The following CACNA1G variants were observed in gnomAD, a reference collection of about 807,000 sequenced individuals.
CACNA1G encodes calcium voltage-gated channel subunit alpha1 G.
CACNA1G carries 67 observed loss-of-function variants against 219.4 expected under a neutral mutation model. The ratio of observed to expected loss-of-function variants is 0.31; its 90% CI spans 0.25 to 0.37. The LOEUF (loss-of-function observed/expected upper bound fraction) is 0.37, where lower values mean the gene tolerates loss of function less well. Ranked by LOEUF, CACNA1G falls within the 10% of genes least tolerant of loss-of-function variation. CACNA1G has a pLI of 1.00. For missense variants in CACNA1G, 2,380 were observed against 3,231.4 expected, an observed-to-expected ratio of 0.74 and a Z score of 6.39; for synonymous variants, 1,296 against 1,345.3, an observed-to-expected ratio of 0.96 and a Z score of 0.80.
At chr17:50,581,454 C>T (rs2041947296) in intron 9 of CACNA1G, among the ~76,000 whole-genome samples, 2 of 151,992 alleles carry the variant, frequency 1.3e-5, no homozygotes, top group Non-Finnish European at 2.9e-5. Context: ...GAGTCCCTGC[C>T]CTCCCTCCTG....
intron 23 of CACNA1G, among the ~76,000 whole-genome samples, chr17:50,606,692 G>A (rs557376272): frequency 2.0e-5 from 3 of 152,290 alleles, no homozygotes; most frequent in Admixed American, 6.5e-5. Context: ...CAGAGGGTGT[G>A]ACCATCTCTC....
rs2052885530 is a variant in CACNA1G at position 50,623,804 on chromosome 17, G to A, written c.6061-103G>A. On this transcript the variant is annotated intron_variant, in intron 35 of 37. Transcript: ENST00000359106. ...TGTCCTGGGAGGGCACGGGGGTGAG[G>A]GCTGGGCGGGGGGCGCTGCTGCTTT... 2.2e-5 allele frequency: 28 copies of A among 1,259,786 alleles called. No individual in the cohort carries two copies. The South Asian group carries it at 3.0e-4, about 14-fold the overall frequency. 78.0% of individuals were successfully genotyped at this position (1,259,786 alleles called of 1,614,324 possible). A position where few individuals can be genotyped will look rare whatever the true frequency, so the allele number is the denominator to read the frequency against.
At chr17:50,623,766 C>A in intron 35 of CACNA1G, 141 bp from the exon 36 acceptor site, 1 of 791,716 alleles carries the variant, frequency 1.3e-6, no homozygotes, top group Non-Finnish European at 2.0e-6. Flanking sequence ...CATGCTCATG[C>A]CCATCTCTAC....
intron 9 of CACNA1G, among the ~76,000 whole-genome samples, chr17:50,585,294 T>C (rs553389835): frequency 1.3e-5 from 2 of 152,262 alleles, no homozygotes; most frequent in East Asian, 3.9e-4. Context: ...TACGGGCACC[T>C]GCCACCATGC....
Position 50,613,161 on chromosome 17 carries a change from G to A in CACNA1G, c.4760-2200G>A, listed in dbSNP as rs550698703. 7.9e-5 allele frequency among the ~76,000 whole-genome samples: 12 copies of A among 152,324 alleles called. No homozygotes were observed. In the East Asian group the frequency reaches 1.9e-3, roughly 24 times the overall value. Reference sequence around the variant, plus strand: ...CGGGCTGGAAGTTCGGGTCCAGCTCGGTCATGCCTCGTAGCTAGCTGAATG... The same window carrying A: ...CGGGCTGGAAGTTCGGGTCCAGCTCAGTCATGCCTCGTAGCTAGCTGAATG... On this transcript the variant is annotated intron_variant, in intron 26 of 37. Coordinates refer to ENST00000359106, the MANE Select transcript of CACNA1G (RefSeq NM_018896.5).
chr17:50,571,099 G>C lies in CACNA1G; in HGVS notation c.587-779G>C, dbSNP rs554577660. On this transcript the variant is annotated intron_variant, in intron 4 of 37. Transcript: ENST00000359106. This position sits in a 1 kb window ranked among gnomAD's most constrained non-coding sequence, Gnocchi z 4.3. Reference sequence around the variant, plus strand: ...GGGAAGTAACCCTAACAGGGCTTTTGAGGAGGGGGTTTCAGTGGCTTTCCC... The same window carrying C: ...GGGAAGTAACCCTAACAGGGCTTTTCAGGAGGGGGTTTCAGTGGCTTTCCC... Among the ~76,000 whole-genome samples the C allele has an allele frequency of 6.6e-6, 1 of 152,334 alleles. No individual in the cohort carries two copies. Among genetic ancestry groups the C allele is most frequent in the East Asian group, 1.9e-4 (1 of 5,186 alleles).
Position 50,596,923 on chromosome 17 carries a change from G to C in CACNA1G, c.3258G>C (p.Pro1086=). The C allele has an allele frequency of 6.5e-7, 1 of 1,549,264 alleles. No individual in the cohort carries two copies. The highest frequency in any genetic ancestry group is 8.7e-7 in the Non-Finnish European group (1 of 1,147,188). ...GGGCGGCCCACGAGATGAAGTCACC[G>C]GTAGGGGGTGCATGTGGGTACCCTG... ...EPGAAHEMKS[P]PSARSSPHSP... is the part of the protein sequence containing the mutation. The change falls in exon 16 of 38, where the codon CCG becomes CCC. Residue 1086 remains proline, a splice_region_variant and synonymous_variant. Transcript: ENST00000359106. This position sits in a 1 kb window ranked among gnomAD's most constrained non-coding sequence, Gnocchi z 4.8.
At chr17:50,611,268 A>G (rs1327992241) in intron 26 of CACNA1G, among the ~76,000 whole-genome samples, 1 of 151,364 alleles carries the variant, frequency 6.6e-6, no homozygotes, top group African/African-American at 2.4e-5. Flanking sequence ...AAAAAAAAAA[A>G]AAAGAGAGAG....
intron 26 of CACNA1G, among the ~76,000 whole-genome samples, 172 bp downstream of exon 26, chr17:50,610,107 T>C (rs957486888): frequency 9.2e-5 from 14 of 152,204 alleles, no homozygotes; most frequent in Non-Finnish European, 1.8e-4. Context: ...TGCGCCAAAC[T>C]GGACGGGAGG....
At chr17:50,601,250 C>T (rs1478283271) in intron 19 of CACNA1G, 76 bp downstream of exon 19, 7 of 1,557,422 alleles carry the variant, frequency 4.5e-6, no homozygotes, top group Admixed American at 1.7e-5. Context: ...GGCAAGGAGG[C>T]CACAGTTGCT....
At chr17:50,613,586 C>T (rs575837114) in intron 26 of CACNA1G, among the ~76,000 whole-genome samples, 1 of 152,340 alleles carries the variant, frequency 6.6e-6, no homozygotes, top group South Asian at 2.1e-4. Context: ...ACTCTCCCAG[C>T]CTCTCCTCTA....
intron 12 of CACNA1G, 24 bp downstream of exon 12, chr17:50,591,877 G>T: frequency 6.2e-7 from 1 of 1,613,286 alleles, no homozygotes; most frequent in South Asian, 1.1e-5. Context: ...AGGGCAGGGC[G>T]TGGACAGGGG....
chr17:50,618,513 G>A lies in CACNA1G; in HGVS notation c.5428-142G>A, dbSNP rs1365063723. 2 of 1,058,944 alleles carry A rather than the reference G, an allele frequency of 1.9e-6. No homozygotes were observed. Among genetic ancestry groups the A allele is most frequent in the African/African-American group, 3.1e-5 (2 of 64,138 alleles). The allele number at this position is 1,058,944 out of a possible 1,614,324, so 65.6% of individuals were successfully genotyped here. A position where few individuals can be genotyped will look rare whatever the true frequency, so the allele number is the denominator to read the frequency against. On this transcript the variant is annotated intron_variant, in intron 32 of 37. Coordinates refer to ENST00000359106, the MANE Select transcript of CACNA1G (RefSeq NM_018896.5). This position sits in a 1 kb window ranked among gnomAD's most constrained non-coding sequence, Gnocchi z 5.3. ...GAACATGCTCTGACTCACACTTGTAGTGCTCCTCTGCCCCCAAACACTCCC... is the reference window on the plus strand; with the variant it reads ...GAACATGCTCTGACTCACACTTGTAATGCTCCTCTGCCCCCAAACACTCCC...
In CACNA1G at chr17:50,626,162, G is replaced by A. The variant is rs1233837845; in HGVS notation, c.6545G>A (p.Arg2182His). Reference sequence around the variant, plus strand: ...AGTACCCAGGCACAGCAGCACTCCCGCAGCCACAGCAAGATCTCCAAGCAC... The same window carrying A: ...AGTACCCAGGCACAGCAGCACTCCCACAGCCACAGCAAGATCTCCAAGCAC... ...QSSTQAQQHS[R>H]SHSKISKHMT... Residue 2182 changes from arginine to histidine, a missense_variant, in exon 38 of 38, where the codon CGC becomes CAC. By Grantham distance (29) the Arg-to-His change is conservative. This residue lies in a region of CACNA1G where 672 missense variants were observed against 670.5 expected (regional missense o/e 1.00). Transcript: ENST00000359106. The surrounding 1 kb of genome is among the most constrained non-coding windows in gnomAD (Gnocchi z 4.3). 3.7e-6 allele frequency: 6 copies of A among 1,613,592 alleles called. No homozygotes were observed. Among genetic ancestry groups the A allele is most frequent in the South Asian group, 3.3e-5 (3 of 91,082 alleles).
At chr17:50,573,254 T>C (rs1331410004) in intron 7 of CACNA1G, 141 bp downstream of exon 7, 1 of 639,256 alleles carries the variant, frequency 1.6e-6, no homozygotes, top group East Asian at 2.8e-5. Flanking sequence ...CATCATATAG[T>C]AGGAGGGACA....
At chr17:50,594,527 A>G (rs1354528355) in intron 13 of CACNA1G, among the ~76,000 whole-genome samples, 1 of 152,156 alleles carries the variant, frequency 6.6e-6, no homozygotes, top group Non-Finnish European at 1.5e-5. Flanking sequence ...TCTGAGCCAC[A>G]GACTCGGGTT....
At chr17:50,581,403 C>T (rs538677284) in intron 9 of CACNA1G, among the ~76,000 whole-genome samples, 5 of 151,992 alleles carry the variant, frequency 3.3e-5, no homozygotes, top group East Asian at 1.9e-4. Flanking sequence ...GATGGGGGGG[C>T]GGGCACTGGA....
At chr17:50,609,161 CT>C (rs1283346431) in intron 25 of CACNA1G, among the ~76,000 whole-genome samples, 3 of 152,276 alleles carry the variant, frequency 2.0e-5, no homozygotes, top group Non-Finnish European at 4.4e-5. Flanking sequence ...CCCCTCTGCC[CT>C]CAGCTCTATC....
chr17:50,611,252 T>TA (rs11291581), intron 26 of CACNA1G, among the ~76,000 whole-genome samples: 50 of 129,686 alleles, frequency 3.9e-4, no homozygotes, highest in Non-Finnish European at 6.1e-4. Flanking sequence ...AGACTCCATT[T>TA]AAAAAAAAAA....
Sources: gnomAD v4.1 joint callset for allele counts (sites outside exome capture counted in the v4.1 genomes callset) on GRCh38, gnomAD v4.1.1 for gene constraint, gnomAD v4.1.1 regional missense constraint, Gnocchi (gnomAD v3.1) non-coding constraint, MANE v1.5 for transcripts, NCBI Gene and HGNC (gene_info 2026-07-23, HGNC 2026-07-21) for gene names.